ARFGAP3: variants seen among roughly 807,000 people sequenced by gnomAD.
ARFGAP3 encodes ARF GTPase activating protein 3.
In ARFGAP3, 72 loss-of-function variants were observed where a neutral mutation model predicts 75.0. The ratio of observed to expected loss-of-function variants is 0.96; its 90% confidence interval spans 0.79 to 1.17. The LOEUF is 1.17. Among genes scored for constraint, ARFGAP3 ranks in the 50% most tolerant of loss-of-function variants. ARFGAP3 has a pLI of 0.00. For synonymous variants in ARFGAP3, 221 were observed against 217.9 expected (o/e 1.01, Z -0.13); for missense variants, 620 against 626.6 (o/e 0.99, Z 0.11).
chr22:42,854,659 A>G (rs1412003025), intron 1 of ARFGAP3, among the ~76,000 whole-genome samples: 1 of 152,046 alleles, frequency 6.6e-6, no homozygotes, highest in Non-Finnish European at 1.5e-5. Flanking sequence ...GAAAAAAGAG[A>G]ATTGACCCTC....
intron 6 of ARFGAP3, 44 bp downstream of exon 6, chr22:42,831,505 C>A: frequency 6.3e-7 from 1 of 1,586,008 alleles, no homozygotes; most frequent in Non-Finnish European, 8.6e-7. Context: ...TAGCATGCCA[C>A]TGAACCATAG....
intron 12 of ARFGAP3, among the ~76,000 whole-genome samples, chr22:42,810,222 G>C (rs6002956): frequency 0.43 from 65,451 of 151,718 alleles, 14,655 homozygotes; most frequent in Non-Finnish European, 0.48. Flanking sequence ...AATCCCAGCA[G>C]TTTGGGAGGC....
At chr22:42,808,264 G>A (rs1925213327) in intron 13 of ARFGAP3, among the ~76,000 whole-genome samples, 1 of 151,672 alleles carries the variant, frequency 6.6e-6, no homozygotes, top group African/African-American at 2.4e-5. Flanking sequence ...CAGGTGTAGT[G>A]GTGCACGGCC....
chr22:42,833,869 T>C lies in ARFGAP3; in HGVS notation c.477+373A>G, dbSNP rs551553285. Among the ~76,000 whole-genome samples the C allele has an allele frequency of 7.6e-3, 1,157 of 152,298 alleles. 19 individuals carry two copies. The highest frequency in any genetic ancestry group is 0.027 in the African/African-American group (1,115 of 41,558). On this transcript the variant is annotated intron_variant, in intron 5 of 15. Coordinates refer to ENST00000263245, the MANE Select transcript of ARFGAP3 (RefSeq NM_014570.5). ...GGGCAGAGGTTGTAATGAGCTGAGA[T>C]CGTGCCACTGCACTCCAGCCTGGGA...
intron 7 of ARFGAP3, among the ~76,000 whole-genome samples, chr22:42,824,661 A>G (rs1925961773): frequency 6.6e-6 from 1 of 151,938 alleles, no homozygotes; most frequent in Non-Finnish European, 1.5e-5. Flanking sequence ...TATCATGCCC[A>G]GCCCAAAAAC....
intron 2 of ARFGAP3, among the ~76,000 whole-genome samples, chr22:42,843,785 A>T (rs1926887810): frequency 6.6e-6 from 1 of 152,204 alleles, no homozygotes; most frequent in Admixed American, 6.5e-5. Flanking sequence ...AAACTTGAGA[A>T]AAAACAGAGC....
rs576433403 is a variant in ARFGAP3 at position 42,850,270 on chromosome 22, A to T, written c.70-2638T>A. 1.2e-4 allele frequency among the ~76,000 whole-genome samples: 18 copies of T among 152,214 alleles called. No individual in the cohort carries two copies. In the South Asian group the frequency reaches 3.5e-3, roughly 30 times the overall value. On this transcript the variant is annotated intron_variant, in intron 1 of 15. Coordinates refer to ENST00000263245, the MANE Select transcript of ARFGAP3 (RefSeq NM_014570.5). ...TTTTTAATCTTTTTGCAGGAAAAAA[A>T]AATACATATTAGATATATAGGCTGG... is the stretch of plus-strand genomic sequence containing the variant.
chr22:42,839,124 A>G (rs2746974), intron 3 of ARFGAP3, among the ~76,000 whole-genome samples: 4,859 of 32,164 alleles, frequency 0.15, 205 homozygotes, highest in African/African-American at 0.44. Flanking sequence ...AAAAAAAAAG[A>G]AAAAAAAAAA....
chr22:42,801,983 C>T (rs536309012), intron 14 of ARFGAP3, among the ~76,000 whole-genome samples: 3 of 152,148 alleles, frequency 2.0e-5, no homozygotes, highest in East Asian at 1.9e-4. Flanking sequence ...CAGTGAATCA[C>T]GAGAAATGAG....
At chr22:42,824,170 ATTTTTTTTTTTTTTTTTT>A (rs57620930) in intron 7 of ARFGAP3, among the ~76,000 whole-genome samples, 7 of 59,844 alleles carry the variant, frequency 1.2e-4, no homozygotes, top group African/African-American at 4.4e-4. Context: ...ACATCTGGCT[ATTTTTTTTTTTTTTTTTT>A]TTTTTTTTTA....
At position 42,821,441 on chromosome 22, in the gene ARFGAP3, T is replaced by C. The variant is rs150221502; in HGVS notation, c.812+829A>G. Among the ~76,000 whole-genome samples the C allele has an allele frequency of 1.6e-3, 248 of 152,334 alleles. 2 individuals carry two copies. The highest frequency in any genetic ancestry group is 5.7e-3 in the African/African-American group (238 of 41,582). On this transcript the variant is annotated intron_variant, in intron 9 of 15. Transcript: ENST00000263245. ...TAAGTTGCTTTCTGTCTCTACGGAT[T>C]TGCCTATTCTGGACATTGCATATAG...
intron 1 of ARFGAP3, chr22:42,853,320 C>A: frequency 5.6e-6 from 1 of 179,662 alleles, no homozygotes; most frequent in Non-Finnish European, 1.2e-5. Context: ...GATGGGCCAT[C>A]ACCCCTGGTG....
intron 5 of ARFGAP3, among the ~76,000 whole-genome samples, chr22:42,833,515 G>A (rs1926385195): frequency 6.6e-6 from 1 of 152,190 alleles, no homozygotes. Context: ...CAGAACTTTG[G>A]GTGGCCAAGG....
At chr22:42,817,661 C>T in intron 10 of ARFGAP3, 68 bp downstream of exon 10, 3 of 1,310,034 alleles carry the variant, frequency 2.3e-6, no homozygotes, top group East Asian at 2.4e-5. Flanking sequence ...TAACACAGTC[C>T]AAGAAAAATC....
intron 13 of ARFGAP3, among the ~76,000 whole-genome samples, chr22:42,807,845 C>T (rs1255839383): frequency 6.7e-6 from 1 of 148,902 alleles, no homozygotes; most frequent in Non-Finnish European, 1.5e-5. Flanking sequence ...CTTCTGGGTT[C>T]GAGCGATTCT....
rs572102091 is a variant in ARFGAP3 at position 42,834,364 on chromosome 22, C to T, written c.394-39G>A. The stretch of plus-strand genomic sequence containing the variant: ...ACAACACAGGGCTGAGCATTTCATC[C>T]GGCCTGTAAAGGATTTTATTTGATA... On this transcript the variant is annotated intron_variant, in intron 4 of 15. Coordinates refer to ENST00000263245, the MANE Select transcript of ARFGAP3 (RefSeq NM_014570.5). The T allele has an allele frequency of 3.8e-4, 614 of 1,601,508 alleles. 5 individuals are homozygous for T. In the South Asian group the frequency reaches 6.1e-3, roughly 16 times the overall value.
intron 8 of ARFGAP3, 144 bp from the exon 9 acceptor site, chr22:42,822,553 T>A (rs1241889243): frequency 4.1e-6 from 4 of 981,942 alleles, no homozygotes; most frequent in Non-Finnish European, 4.4e-6. Flanking sequence ...CAGAACTCTG[T>A]GAAGTTAGTA....
intron 3 of ARFGAP3, among the ~76,000 whole-genome samples, chr22:42,836,210 C>T (rs1030477778): frequency 6.6e-6 from 1 of 152,056 alleles, no homozygotes; most frequent in African/African-American, 2.4e-5. Flanking sequence ...CTCCTGAGCT[C>T]AAGGAATCCA....
At chr22:42,837,744 G>A (rs1274279927) in intron 3 of ARFGAP3, among the ~76,000 whole-genome samples, 1 of 132,254 alleles carries the variant, frequency 7.6e-6, no homozygotes, top group African/African-American at 2.9e-5. Context: ...GTGGCACGGT[G>A]AACACTGCTC....
Sources: allele counts gnomAD v4.1 joint callset (sites outside exome capture counted in the v4.1 genomes callset), GRCh38; gene constraint gnomAD v4.1.1; transcripts MANE v1.5; gene names NCBI Gene and HGNC (gene_info 2026-07-23, HGNC 2026-07-21).